Variants in LAMTOR1 observed in about 807,000 individuals in gnomAD.
The protein encoded by LAMTOR1 is ragulator complex protein LAMTOR1.
In LAMTOR1, 8 loss-of-function variants were observed where a neutral mutation model predicts 20.5. The ratio of observed to expected loss-of-function variants is 0.39; its 90% CI spans 0.23 to 0.70. The LOEUF (loss-of-function observed/expected upper bound fraction) is 0.70. LAMTOR1 is among the 30% of genes least tolerant of loss of function. The probability of loss-of-function intolerance (pLI) is 0.43; values close to 1 mark genes in which losing one functional copy is unlikely to be tolerated. For missense variants in LAMTOR1, 135 were observed against 206.2 expected (o/e 0.65, Z 2.11); for synonymous variants, 77 against 80.9 (o/e 0.95, Z 0.26).
At chr11:72,098,168 A>G (rs891643066) in intron 4 of LAMTOR1, 121 bp downstream of exon 4, 2 of 1,335,916 alleles carry the variant, frequency 1.5e-6, no homozygotes, top group East Asian at 4.8e-5. Context: ...TGGGGCCTAC[A>G]AGGCTACCAG....
intron 3 of LAMTOR1, 48 bp downstream of exon 3, chr11:72,098,733 G>T: frequency 7.4e-7 from 1 of 1,342,964 alleles, no homozygotes. Context: ...AGTGATGGAG[G>T]GTGGGAGCCC....
At chr11:72,100,144 C>A (rs999750066) in intron 1 of LAMTOR1, among the ~76,000 whole-genome samples, 3 of 152,140 alleles carry the variant, frequency 2.0e-5, no homozygotes, top group Non-Finnish European at 4.4e-5. Flanking sequence ...GCCCTGCAGT[C>A]CCACCTACTT....
At chr11:72,098,013 G>C in intron 4 of LAMTOR1, 99 bp from the exon 5 acceptor site, 1 of 1,385,004 alleles carries the variant, frequency 7.2e-7, no homozygotes, top group East Asian at 2.3e-5. Flanking sequence ...TGGAGAAGGA[G>C]GGAATGAAGG....
chr11:72,098,994 G>A, intron 2 of LAMTOR1, 117 bp downstream of exon 2: 1 of 1,444,748 alleles, frequency 6.9e-7, no homozygotes, highest in Non-Finnish European at 9.5e-7. Context: ...TGGACATGGA[G>A]GCACCTCTCC....
At chr11:72,099,024 C>A in intron 2 of LAMTOR1, 87 bp downstream of exon 2, 1 of 1,542,040 alleles carries the variant, frequency 6.5e-7, no homozygotes, top group Non-Finnish European at 8.8e-7. Context: ...TTGTCCCATC[C>A]CCCATGTCCT....
At chr11:72,100,802 C>T (rs2135162971) in intron 1 of LAMTOR1, 1 of 152,380 alleles carries the variant, frequency 6.6e-6, no homozygotes, top group East Asian at 1.9e-4. Flanking sequence ...CCTTACTCTT[C>T]TTTCTCAAGG....
chr11:72,098,691 T>C (rs1486857467), intron 3 of LAMTOR1, 90 bp downstream of exon 3: 7 of 1,005,358 alleles, frequency 7.0e-6, no homozygotes, highest in Admixed American at 5.4e-5. Flanking sequence ...AATGAGAAGC[T>C]TGGACTAGGG....
chr11:72,097,698 A>G lies in LAMTOR1; in HGVS notation c.*124T>C. The G allele has an allele frequency of 4.5e-6, 7 of 1,558,218 alleles. No homozygotes were observed. Among genetic ancestry groups the G allele is most frequent in the Non-Finnish European group, 6.1e-6 (7 of 1,150,174 alleles). ...AGCCTTCCTCTTCTCCTCCTTCTTC[A>G]CATTTTTCTCTGTGATTAGTAGCAG... On this transcript the variant is annotated 3_prime_UTR_variant, in exon 5 of 5. Transcript: ENST00000278671.
In LAMTOR1 at chr11:72,103,229, G is replaced by A. The variant is rs781696350; in HGVS notation, c.-5C>T. 9.0e-6 allele frequency: 14 copies of A among 1,560,842 alleles called. No homozygotes were observed. The highest frequency in any genetic ancestry group is 2.7e-5 in the African/African-American group (2 of 73,564). On this transcript the variant is annotated 5_prime_UTR_variant, in exon 1 of 5. Coordinates refer to ENST00000278671, the MANE Select transcript of LAMTOR1 (RefSeq NM_017907.3). Reference sequence around the variant, plus strand: ...GCTGCTGTAGCAGCACCCCATGGCCGGGGTCGGGCCGGGCGCTCAGGCCGC... The same window carrying A: ...GCTGCTGTAGCAGCACCCCATGGCCAGGGTCGGGCCGGGCGCTCAGGCCGC...
intron 1 of LAMTOR1, among the ~76,000 whole-genome samples, chr11:72,101,136 C>T (rs1017433143): frequency 6.6e-6 from 1 of 152,246 alleles, no homozygotes; most frequent in Non-Finnish European, 1.5e-5. Context: ...TGGCTGATCA[C>T]TTCTCAGCCT....
At chr11:72,101,963 T>G (rs1385378928) in intron 1 of LAMTOR1, among the ~76,000 whole-genome samples, 2 of 152,222 alleles carry the variant, frequency 1.3e-5, no homozygotes, top group African/African-American at 4.8e-5. Flanking sequence ...TTGTTGTCTC[T>G]TTCTCAAAAA....
intron 1 of LAMTOR1, among the ~76,000 whole-genome samples, chr11:72,101,629 G>A (rs1187858579): frequency 2.6e-5 from 4 of 152,226 alleles, no homozygotes; most frequent in Non-Finnish European, 5.9e-5. Flanking sequence ...AAGAGACAGA[G>A]ATGAGAGTCG....
rs575886595 is a variant in LAMTOR1 at position 72,097,744 on chromosome 11, G to T, written c.*78C>A. The T allele has an allele frequency of 9.9e-6, 16 of 1,611,418 alleles. No individual in the cohort carries two copies. The African/African-American group carries it at 1.1e-4, about 11-fold the overall frequency. ...AGCAGGTTAGGGTACTGTATAAGCC[G>T]CAGTGAGGCTGGGGGCCAAGGGGGT... On this transcript the variant is annotated 3_prime_UTR_variant, in exon 5 of 5. Transcript: ENST00000278671.
chr11:72,098,385 C>CA lies in LAMTOR1; in HGVS notation c.296dup (p.Thr100AspfsTer23). On this transcript the variant is annotated frameshift_variant, in exon 4 of 5. Coordinates refer to ENST00000278671, the MANE Select transcript of LAMTOR1 (RefSeq NM_017907.3). LOFTEE classifies it high-confidence loss of function. ...GCGGTGGCAGCTTCTTCCAATGGGT[C>CA]AGGCTGCTGCTCAGCACAGCCAAGC... is the stretch of plus-strand genomic sequence containing the variant. 2 of 1,612,232 alleles carry CA rather than the reference C, an allele frequency of 1.2e-6. No individual in the cohort carries two copies. The highest frequency in any genetic ancestry group is 1.7e-6 in the Non-Finnish European group (2 of 1,179,404).
chr11:72,099,306 C>T (rs1462700654), intron 1 of LAMTOR1, 50 bp from the exon 2 acceptor site: 1 of 1,507,106 alleles, frequency 6.6e-7, no homozygotes, highest in Non-Finnish European at 8.9e-7. Context: ...GTAGATCCTG[C>T]CTTTCACGGG....
At chr11:72,098,602 G>A in intron 3 of LAMTOR1, 179 bp downstream of exon 3, 2 of 833,986 alleles carry the variant, frequency 2.4e-6, no homozygotes, top group Admixed American at 5.6e-5. Flanking sequence ...CCTCAAGAGT[G>A]TCACAGGGTA....
At chr11:72,103,153 A>T (rs1945513642) in intron 1 of LAMTOR1, 30 bp downstream of exon 1, 1 of 1,575,234 alleles carries the variant, frequency 6.3e-7, no homozygotes, top group Non-Finnish European at 8.6e-7. Context: ...CTTAGCCCTC[A>T]TTCCCGAGCC....
At position 72,098,925 on chromosome 11, in the gene LAMTOR1, C is replaced by A; in HGVS notation, c.189-67G>T. ...GAGAAGGACAAACAGGACTCAGTGC[C>A]AGGTACCAACTCCAGGGCTATCTGA... On this transcript the variant is annotated intron_variant, in intron 2 of 4. Transcript: ENST00000278671. The A allele has an allele frequency of 2.1e-6, 3 of 1,405,626 alleles. No homozygotes were observed. In the South Asian group the frequency reaches 4.0e-5, roughly 19 times the overall value. 87.1% of individuals were successfully genotyped at this position (1,405,626 alleles called of 1,614,324 possible).
At position 72,098,390 on chromosome 11, in the gene LAMTOR1, T is replaced by A; in HGVS notation, c.292A>T (p.Ser98Cys). 6.2e-7 allele frequency: 1 copy of A among 1,612,302 alleles called. No individual in the cohort carries two copies. Among genetic ancestry groups the A allele is most frequent in the East Asian group, 2.2e-5 (1 of 44,804 alleles). The change falls in exon 4 of 5, where the codon AGC becomes TGC. Residue 98 changes from serine to cysteine, a missense_variant. Transcript: ENST00000278671. ...YSTRLAVLSSSLTHWKKLPPL... is the reference protein window; with the variant it reads ...YSTRLAVLSSCLTHWKKLPPL... ...GGCAGCTTCTTCCAATGGGTCAGGC[T>A]GCTGCTCAGCACAGCCAAGCGGGTG...
Sources: allele counts gnomAD v4.1 joint callset (sites outside exome capture counted in the v4.1 genomes callset), GRCh38; gene constraint gnomAD v4.1.1; transcripts MANE v1.5; gene names NCBI Gene and HGNC (gene_info 2026-07-23, HGNC 2026-07-21).